The following CRCP variants were observed in gnomAD, a reference collection of about 807,000 sequenced individuals.
CRCP encodes the protein DNA-directed RNA polymerase III subunit RPC9.
In CRCP, 18 loss-of-function variants were observed where a neutral mutation model predicts 18.5. The observed-to-expected ratio is 0.97, with a 90% CI of 0.67 to 1.44. The LOEUF (loss-of-function observed/expected upper bound fraction) is 1.44. CRCP is among the 40% of genes most tolerant of loss of function. The probability of loss-of-function intolerance (pLI) is 0.00; values close to 1 mark genes in which losing one functional copy is unlikely to be tolerated. For synonymous variants in CRCP, 53 were observed against 62.9 expected (o/e 0.84, Z 0.75); for missense variants, 130 against 176.4 (o/e 0.74, Z 1.49).
chr7:66,142,581 A>ACTCCTGGGCTCAAGCAATCCTGCCTCAGC (rs1788172811), intron 4 of CRCP, among the ~76,000 whole-genome samples: 1 of 151,712 alleles, frequency 6.6e-6, no homozygotes, highest in South Asian at 2.1e-4. Context: ...GAAGCCTCAG[A>ACTCCTGGGCTCAAGCAATCCTGCCTCAGC]CTCCTGGGCT....
chr7:66,134,589 A>G (rs1787916944), intron 4 of CRCP: 3 of 416,758 alleles, frequency 7.2e-6, no homozygotes, highest in Admixed American at 4.3e-5. Flanking sequence ...CATTTATCCT[A>G]GTGATACTGT....
At chr7:66,145,349 A>T in intron 4 of CRCP, 94 bp from the exon 5 acceptor site, 1 of 1,353,616 alleles carries the variant, frequency 7.4e-7, no homozygotes, top group Non-Finnish European at 1.1e-6. Flanking sequence ...TGGTTCTCCC[A>T]TTTTTTATCT....
At chr7:66,147,013 A>G (rs538662439) in intron 5 of CRCP, among the ~76,000 whole-genome samples, 15 of 152,182 alleles carry the variant, frequency 9.9e-5, no homozygotes, top group Non-Finnish European at 1.8e-4. Context: ...GGAAAGTGGT[A>G]TCATTACTTG....
intron 3 of CRCP, among the ~76,000 whole-genome samples, chr7:66,131,654 A>T (rs1787806988): frequency 6.6e-6 from 1 of 152,156 alleles, no homozygotes; most frequent in Non-Finnish European, 1.5e-5. Context: ...AATTCCTCCG[A>T]AATTTTATCT....
At chr7:66,137,109 G>C in intron 4 of CRCP, among the ~76,000 whole-genome samples, 1 of 151,684 alleles carries the variant, frequency 6.6e-6, no homozygotes, top group East Asian at 1.9e-4. Flanking sequence ...AATAATTTAA[G>C]ATCAGTCAAA....
rs190929681 is a variant in CRCP, at chr7:66,144,993, A to T, written c.240-450A>T. On this transcript the variant is annotated intron_variant, in intron 4 of 5. Coordinates refer to ENST00000395326, the MANE Select transcript of CRCP (RefSeq NM_014478.5). ...ATGAAACCCCATCTCTGCTAAAAAA[A>T]TACCAAAAATTTACTGGGTGGGTGT... Among the ~76,000 whole-genome samples the T allele has an allele frequency of 3.3e-5, 5 of 152,206 alleles. No homozygotes were observed. In the East Asian group the frequency reaches 7.7e-4, roughly 24 times the overall value.
chr7:66,145,291 T>C (rs1788260713), intron 4 of CRCP, 152 bp from the exon 5 acceptor site: 1 of 739,442 alleles, frequency 1.4e-6, no homozygotes, highest in African/African-American at 1.7e-5. Flanking sequence ...ACGCTCCTGT[T>C]CCCATTCTCT....
chr7:66,130,309 T>G (rs1787759815), intron 2 of CRCP: 1 of 205,056 alleles, frequency 4.9e-6, no homozygotes, highest in African/African-American at 2.4e-5. Context: ...TTTCACCGTG[T>G]TAGCCAGGAT....
intron 2 of CRCP, among the ~76,000 whole-genome samples, chr7:66,129,160 C>T (rs992453412): frequency 6.6e-6 from 1 of 151,984 alleles, no homozygotes; most frequent in Admixed American, 6.6e-5. Context: ...GGTGAAACCC[C>T]GTCTCTACTA....
chr7:66,138,621 TAAAAAAAAAA>T (rs34807364), intron 4 of CRCP, among the ~76,000 whole-genome samples: 2 of 93,400 alleles, frequency 2.1e-5, no homozygotes, highest in Non-Finnish European at 4.0e-5. Context: ...TCGTCTCTAC[TAAAAAAAAAA>T]AAAAAAAAAA....
intron 1 of CRCP, chr7:66,120,745 A>G (rs1349920239): frequency 6.6e-6 from 1 of 152,188 alleles, no homozygotes; most frequent in African/African-American, 2.4e-5. Flanking sequence ...AACCAAACAC[A>G]GAGAATGAAA....
chr7:66,152,558 T>G lies in CRCP; in HGVS notation c.*201T>G. ...GAAACATGGTGAAAACAGGCTGAGG[T>G]TGTCAGGGCAGAGAGCTGAAGGTGG... On this transcript the variant is annotated 3_prime_UTR_variant, in exon 6 of 6. Coordinates refer to ENST00000395326, the MANE Select transcript of CRCP (RefSeq NM_014478.5). 5.1e-6 allele frequency: 3 copies of G among 586,994 alleles called. No homozygotes were observed. The highest frequency in any genetic ancestry group is 8.8e-6 in the Non-Finnish European group (3 of 340,228). 36.4% of individuals were successfully genotyped at this position (586,994 alleles called of 1,614,324 possible).
At chr7:66,137,723 T>C (rs1788011604) in intron 4 of CRCP, among the ~76,000 whole-genome samples, 1 of 152,220 alleles carries the variant, frequency 6.6e-6, no homozygotes, top group East Asian at 1.9e-4. Context: ...TATTTTTGTT[T>C]TTAGTAGTTA....
intron 2 of CRCP, among the ~76,000 whole-genome samples, chr7:66,128,477 G>A (rs1367510309): frequency 6.6e-6 from 1 of 151,812 alleles, no homozygotes; most frequent in African/African-American, 2.4e-5. Context: ...TAGTCTTATG[G>A]GTATTAACAT....
chr7:66,121,340 C>T lies in CRCP; in HGVS notation c.9-6364C>T, dbSNP rs191008791. 3.9e-5 allele frequency among the ~76,000 whole-genome samples: 6 copies of T among 152,118 alleles called. No homozygotes were observed. In the East Asian group the frequency reaches 9.6e-4, roughly 24 times the overall value. ...TGCTGGGATTACAGGCATGAGCCAC[C>T]GCGCTGGCCCAGAAATTTATTTAAG... On this transcript the variant is annotated intron_variant, in intron 1 of 5. Coordinates refer to ENST00000395326, the MANE Select transcript of CRCP (RefSeq NM_014478.5).
Position 66,153,760 on chromosome 7 carries a change from A to G in CRCP, c.*1403A>G, listed in dbSNP as rs972746676. 1 of 151,928 alleles carries G rather than the reference A, an allele frequency of 6.6e-6. No individual in the cohort carries two copies. Among genetic ancestry groups the G allele is most frequent in the African/African-American group, 2.4e-5 (1 of 41,402 alleles). 9.4% of individuals were successfully genotyped at this position (151,928 alleles called of 1,614,324 possible). On this transcript the variant is annotated 3_prime_UTR_variant, in exon 6 of 6. Coordinates refer to ENST00000395326, the MANE Select transcript of CRCP (RefSeq NM_014478.5). ...CAGCTGAAATCTGTTTATAGGCAAC[A>G]TTGAAAGTACCAGATTGGGGCCAGG...
At chr7:66,135,071 T>G (rs1475779678) in intron 4 of CRCP, among the ~76,000 whole-genome samples, 1 of 152,218 alleles carries the variant, frequency 6.6e-6, no homozygotes, top group East Asian at 1.9e-4. Flanking sequence ...TTCTATGTTA[T>G]TAACACTGCT....
chr7:66,139,758 G>T (rs570735879), intron 4 of CRCP, among the ~76,000 whole-genome samples: 1 of 152,220 alleles, frequency 6.6e-6, no homozygotes, highest in Non-Finnish European at 1.5e-5. Context: ...TCTTTGCTGT[G>T]CTGGGTCTGT....
chr7:66,129,190 G>A (rs1317719091), intron 2 of CRCP, among the ~76,000 whole-genome samples: 3 of 152,066 alleles, frequency 2.0e-5, no homozygotes, highest in Non-Finnish European at 4.4e-5. Context: ...AAAATTAGCC[G>A]GGCAAGGTGG....
Sources: allele counts gnomAD v4.1 joint callset (sites outside exome capture counted in the v4.1 genomes callset), GRCh38; gene constraint gnomAD v4.1.1; transcripts MANE v1.5; gene names NCBI Gene and HGNC (gene_info 2026-07-23, HGNC 2026-07-21).